AKT3: variants seen among roughly 807,000 people sequenced by gnomAD.
The protein encoded by AKT3 is RAC-gamma serine/threonine-protein kinase.
Under a neutral mutation model 65.3 loss-of-function variants are expected in AKT3, and 15 were observed. The observed-to-expected ratio is 0.23, with a 90% CI of 0.15 to 0.35. AKT3 has a LOEUF of 0.35. Ranked by LOEUF, AKT3 falls within the 10% of genes least tolerant of loss-of-function variation. The pLI is 1.00. For missense variants in AKT3, 243 were observed against 576.5 expected (o/e 0.42, Z 5.92); for synonymous variants, 206 against 183.8 (o/e 1.12, Z -0.98).
intron 2 of AKT3, among the ~76,000 whole-genome samples, chr1:243,804,225 A>G (rs1392590050): frequency 6.6e-6 from 1 of 152,246 alleles, no homozygotes; most frequent in African/African-American, 2.4e-5. Context: ...AGAAGCCCTC[A>G]GTTAAAAAAT....
intron 12 of AKT3, among the ~76,000 whole-genome samples, chr1:243,523,270 C>CACACAT (rs1670839164): frequency 1.3e-5 from 2 of 148,668 alleles, no homozygotes; most frequent in Non-Finnish European, 3.0e-5. Flanking sequence ...AACACACACA[C>CACACAT]ACACACACAC....
chr1:243,555,231 TAAC>T (rs1320506836), intron 10 of AKT3, among the ~76,000 whole-genome samples: 4 of 152,140 alleles, frequency 2.6e-5, no homozygotes, highest in Non-Finnish European at 5.9e-5. Context: ...GAAAACACCC[TAAC>T]AACTAAAATC....
chr1:243,613,803 C>A, intron 7 of AKT3, 64 bp from the exon 8 acceptor site: 4 of 1,026,118 alleles, frequency 3.9e-6, no homozygotes, highest in South Asian at 1.9e-5. Context: ...TATAATAGTA[C>A]TAAAAATAGA....
At chr1:243,825,966 T>C (rs1413585161) in intron 2 of AKT3, among the ~76,000 whole-genome samples, 6 of 152,152 alleles carry the variant, frequency 3.9e-5, no homozygotes, top group South Asian at 2.1e-4. Flanking sequence ...ACCCCATCTC[T>C]ACTAAAAATA....
chr1:243,516,650 C>G (rs1368753665), intron 12 of AKT3, among the ~76,000 whole-genome samples: 1 of 152,118 alleles, frequency 6.6e-6, no homozygotes, highest in African/African-American at 2.4e-5. Flanking sequence ...AACTCCTGGC[C>G]TCGAGCAATC....
At chr1:243,566,969 C>T (rs1674201301) in intron 9 of AKT3, among the ~76,000 whole-genome samples, 1 of 152,114 alleles carries the variant, frequency 6.6e-6, no homozygotes, top group Non-Finnish European at 1.5e-5. Flanking sequence ...TTTCAATATG[C>T]AATAATTTAT....
chr1:243,721,302 CAA>C (rs1686886575), intron 2 of AKT3, among the ~76,000 whole-genome samples: 1 of 152,104 alleles, frequency 6.6e-6, no homozygotes, highest in Non-Finnish European at 1.5e-5. Flanking sequence ...AGAAACATTA[CAA>C]GAGAGAGGCC....
chr1:243,693,242 T>TTTTATATATATA (rs747780262), intron 3 of AKT3, among the ~76,000 whole-genome samples: 1 of 59,986 alleles, frequency 1.7e-5, no homozygotes, highest in Non-Finnish European at 3.3e-5. Context: ...AGCTACAATT[T>TTTTATATATATA]GATATATATA....
At chr1:243,549,972 A>G (rs1296783593) in intron 11 of AKT3, among the ~76,000 whole-genome samples, 1 of 152,206 alleles carries the variant, frequency 6.6e-6, no homozygotes, top group African/African-American at 2.4e-5. Flanking sequence ...TCTACACTCT[A>G]GTCACTGAAC....
intron 1 of AKT3, among the ~76,000 whole-genome samples, chr1:243,849,386 A>AACCCC (rs1695655077): frequency 8.4e-5 from 9 of 107,044 alleles, no homozygotes; most frequent in South Asian, 3.4e-4. Context: ...CCACACACAC[A>AACCCC]CCCCCCCCCC....
intron 12 of AKT3, among the ~76,000 whole-genome samples, chr1:243,541,333 G>A (rs1672302439): frequency 6.6e-6 from 1 of 151,966 alleles, no homozygotes. Context: ...TTCATCCTTT[G>A]GATCATAAAC....
intron 2 of AKT3, among the ~76,000 whole-genome samples, chr1:243,714,639 A>G (rs915840069): frequency 6.6e-6 from 1 of 152,188 alleles, no homozygotes; most frequent in African/African-American, 2.4e-5. Context: ...GTCATTTATT[A>G]AATAGTTATT....
At chr1:243,591,484 A>G (rs1366674046) in intron 8 of AKT3, among the ~76,000 whole-genome samples, 1 of 152,216 alleles carries the variant, frequency 6.6e-6, no homozygotes, top group Non-Finnish European at 1.5e-5. Flanking sequence ...AGCATCTGAC[A>G]ATGTAAAATT....
At chr1:243,510,728 A>T (rs1237387204) in intron 13 of AKT3, among the ~76,000 whole-genome samples, 1 of 152,246 alleles carries the variant, frequency 6.6e-6, no homozygotes, top group Non-Finnish European at 1.5e-5. Context: ...CAGGGCCCAG[A>T]TCAGTCAGTG....
At chr1:243,790,851 G>T (rs1207415576) in intron 2 of AKT3, among the ~76,000 whole-genome samples, 1 of 149,750 alleles carries the variant, frequency 6.7e-6, no homozygotes, top group Non-Finnish European at 1.5e-5. Flanking sequence ...CCAGTTGCTG[G>T]ATCATTAAGA....
intron 8 of AKT3, among the ~76,000 whole-genome samples, chr1:243,606,571 G>A (rs115458282): frequency 6.6e-6 from 1 of 152,138 alleles, no homozygotes. Flanking sequence ...TGAAGAGAAC[G>A]CGGAGAAGAA....
chr1:243,514,068 C>T lies in AKT3; in HGVS notation c.1252-1642G>A, dbSNP rs558939941. Among the ~76,000 whole-genome samples the T allele has an allele frequency of 2.6e-5, 4 of 152,160 alleles. No homozygotes were observed. In the East Asian group the frequency reaches 7.7e-4, roughly 29 times the overall value. The stretch of plus-strand genomic sequence containing the variant: ...GTAATTGCCCCTATCTGGCAGAAAA[C>T]GGGAAGACTGGAATTCTGGTTGGGT... On this transcript the variant is annotated intron_variant, in intron 12 of 13. Coordinates refer to ENST00000673466, the MANE Select transcript of AKT3 (RefSeq NM_005465.7).
intron 3 of AKT3, among the ~76,000 whole-genome samples, chr1:243,667,897 C>T (rs1682908860): frequency 6.6e-6 from 1 of 152,128 alleles, no homozygotes; most frequent in Non-Finnish European, 1.5e-5. Flanking sequence ...TGCTTTAGAG[C>T]TTTTTGCCCT....
intron 8 of AKT3, among the ~76,000 whole-genome samples, chr1:243,577,361 G>A (rs1675016119): frequency 6.6e-6 from 1 of 152,102 alleles, no homozygotes; most frequent in Admixed American, 6.5e-5. Context: ...TGGCCAGGCT[G>A]GTCTCAAACT....
Sources: allele counts gnomAD v4.1 joint callset (sites outside exome capture counted in the v4.1 genomes callset), GRCh38; gene constraint gnomAD v4.1.1; transcripts MANE v1.5; gene names NCBI Gene and HGNC (gene_info 2026-07-23, HGNC 2026-07-21).